The following COL21A1 variants were observed in gnomAD, a reference collection of about 807,000 sequenced individuals.
COL21A1 encodes the protein collagen alpha-1(XXI) chain.
COL21A1 carries 149 observed loss-of-function variants against 137.9 expected under a neutral mutation model. The ratio of observed to expected loss-of-function variants is 1.08; its 90% CI spans 0.95 to 1.24. The LOEUF is 1.24. Ranked by LOEUF, COL21A1 falls within the 50% of genes most tolerant of loss-of-function variation. The pLI is 0.00. For synonymous variants in COL21A1, 456 were observed against 391.5 expected, an observed-to-expected ratio of 1.16 and a Z score of -1.95; for missense variants, 1,167 against 1,158.4, an observed-to-expected ratio of 1.01 and a Z score of -0.11.
chr6:56,273,186 A>G (rs963456182), intron 1 of COL21A1, among the ~76,000 whole-genome samples: 3 of 152,234 alleles, frequency 2.0e-5, no homozygotes, highest in African/African-American at 7.2e-5. Context: ...GAAATTAATT[A>G]AAATAGGGAC....
At chr6:56,175,409 G>A (rs998138072) in intron 3 of COL21A1, among the ~76,000 whole-genome samples, 16 of 151,642 alleles carry the variant, frequency 1.1e-4, no homozygotes, top group African/African-American at 3.9e-4. Context: ...AAGACTCCAT[G>A]CCAAAAAAAA....
At chr6:56,185,413 C>T (rs548980002) in intron 1 of COL21A1, among the ~76,000 whole-genome samples, 4 of 142,530 alleles carry the variant, frequency 2.8e-5, no homozygotes, top group South Asian at 2.2e-4. Flanking sequence ...AGTGGACAGG[C>T]GAAATGAACA....
intron 1 of COL21A1, among the ~76,000 whole-genome samples, chr6:56,332,582 C>A (rs373216956): frequency 2.5e-4 from 37 of 146,632 alleles, no homozygotes; most frequent in African/African-American, 8.9e-4. Flanking sequence ...ACCAAATAGC[C>A]CCCCCGCCCC....
chr6:56,150,287 G>A (rs555395958), intron 10 of COL21A1, among the ~76,000 whole-genome samples: 7 of 152,254 alleles, frequency 4.6e-5, no homozygotes, highest in African/African-American at 1.7e-4. Context: ...GGGAGGTCGA[G>A]GCGGGCGGAT....
chr6:56,269,512 G>A (rs937203066), intron 1 of COL21A1, among the ~76,000 whole-genome samples: 8 of 151,778 alleles, frequency 5.3e-5, no homozygotes, highest in South Asian at 2.1e-4. Context: ...AAAATTAGCC[G>A]GGCGTAGTGG....
intron 1 of COL21A1, among the ~76,000 whole-genome samples, chr6:56,359,519 T>C (rs74403333): frequency 0.018 from 2,811 of 152,328 alleles, 83 homozygotes; most frequent in African/African-American, 0.063. Context: ...TTTCTGTTTA[T>C]GTCCTGTAAT....
chr6:56,075,527 T>C lies in COL21A1; in HGVS notation c.1863A>G (p.Glu621=). 6.6e-7 allele frequency: 1 copy of C among 1,518,678 alleles called. No individual in the cohort carries two copies. The highest frequency in any genetic ancestry group is 2.5e-5 in the East Asian group (1 of 40,394). The allele number at this position is 1,518,678 out of a possible 1,614,324, so 94.1% of individuals were successfully genotyped here. ...TTCCTTGCTGTCCTGGAGGCCCAAT[T>C]TCTCCCTAAAAAAATCAAACATTAA... ...GNRGLMGQKG[E]IGPPGQQGKK... is the part of the protein sequence containing the mutation. The change falls in exon 19 of 30, where the codon GAA becomes GAG. Residue 621 remains glutamate, a synonymous_variant. Transcript: ENST00000244728.
chr6:56,172,219 G>A (rs1366178273), intron 3 of COL21A1, among the ~76,000 whole-genome samples: 1 of 152,096 alleles, frequency 6.6e-6, no homozygotes, highest in Non-Finnish European at 1.5e-5. Context: ...TCCACACTGA[G>A]ACACATTGTA....
chr6:56,057,773 C>T lies in COL21A1; in HGVS notation c.2758G>A (p.Asp920Asn), dbSNP rs1765456397. 1 of 1,609,172 alleles carries T rather than the reference C, an allele frequency of 6.2e-7. No homozygotes were observed. The highest frequency in any genetic ancestry group is 8.5e-7 in the Non-Finnish European group (1 of 1,177,878). Reference sequence around the variant, plus strand: ...CCTTGGATTCCAGGTTTTCCATGGTCTCCATCTTTGCCAGGGAGACCTGGG... The same window carrying T: ...CCTTGGATTCCAGGTTTTCCATGGTTTCCATCTTTGCCAGGGAGACCTGGG... ...GDPGLPGKDG[D>N]HGKPGIQGQP... Residue 920 changes from aspartate to asparagine, a missense_variant, in exon 30 of 30, where the codon GAC becomes AAC. Coordinates refer to ENST00000244728, the MANE Select transcript of COL21A1 (RefSeq NM_030820.4).
intron 1 of COL21A1, among the ~76,000 whole-genome samples, chr6:56,282,941 A>C (rs1763814832): frequency 6.6e-6 from 1 of 152,212 alleles, no homozygotes; most frequent in African/African-American, 2.4e-5. Context: ...TTAAGTTTTA[A>C]TGGCCTTCTC....
At chr6:56,079,041 G>T (rs1198913713) in intron 17 of COL21A1, among the ~76,000 whole-genome samples, 2 of 151,634 alleles carry the variant, frequency 1.3e-5, no homozygotes, top group African/African-American at 4.8e-5. Flanking sequence ...TCAATGCAAT[G>T]AATTAAGATA....
chr6:56,209,125 T>A (rs1462888069), intron 1 of COL21A1, among the ~76,000 whole-genome samples: 3 of 151,528 alleles, frequency 2.0e-5, no homozygotes, highest in Non-Finnish European at 4.4e-5. Flanking sequence ...ATATAAAAAT[T>A]AAGCCAAGAT....
intron 1 of COL21A1, among the ~76,000 whole-genome samples, chr6:56,185,085 A>G (rs1937968912): frequency 6.6e-6 from 1 of 152,086 alleles, no homozygotes; most frequent in African/African-American, 2.4e-5. Flanking sequence ...CAGCACTTAC[A>G]GAGAAATTTT....
At chr6:56,142,524 T>G (rs1774492691) in intron 10 of COL21A1, among the ~76,000 whole-genome samples, 2 of 152,180 alleles carry the variant, frequency 1.3e-5, no homozygotes, top group South Asian at 2.1e-4. Context: ...GCTGTTTGCT[T>G]AGGGGAGGGG....
chr6:56,320,518 A>AACACAC lies in COL21A1; in HGVS notation c.-39+73447_-39+73452dup, dbSNP rs55942460. 4.0e-5 allele frequency among the ~76,000 whole-genome samples: 6 copies of AACACAC among 149,492 alleles called. No individual in the cohort carries two copies. The South Asian group carries it at 6.4e-4, about 16-fold the overall frequency. Reference sequence around the variant, plus strand: ...AACCCCCAAGGTCCTACACAATCTGAACACACACACACACACACACACACA... The same window carrying AACACAC: ...AACCCCCAAGGTCCTACACAATCTGAACACACACACACACACACACACACACACACA... On this transcript the variant is annotated intron_variant, in intron 1 of 28. Coordinates refer to the COL21A1 transcript ENST00000370819.
chr6:56,321,305 C>T (rs534071011), intron 1 of COL21A1, among the ~76,000 whole-genome samples: 2 of 152,200 alleles, frequency 1.3e-5, no homozygotes, highest in Non-Finnish European at 2.9e-5. Flanking sequence ...GCTTGTTGCC[C>T]ATTATAAAAA....
chr6:56,145,028 C>T (rs866027615), intron 10 of COL21A1, among the ~76,000 whole-genome samples: 4 of 152,178 alleles, frequency 2.6e-5, no homozygotes, highest in African/African-American at 9.7e-5. Flanking sequence ...TTTCTTCAGA[C>T]TCAATGACTA....
chr6:56,057,489 T>TA lies in COL21A1; in HGVS notation c.*167dup. 1.5e-6 allele frequency: 1 copy of TA among 654,160 alleles called. No individual in the cohort carries two copies. The highest frequency in any genetic ancestry group is 2.6e-6 in the Non-Finnish European group (1 of 384,304). 40.5% of individuals were successfully genotyped at this position (654,160 alleles called of 1,614,324 possible). On this transcript the variant is annotated 3_prime_UTR_variant, in exon 30 of 30. Transcript: ENST00000244728. ...GGGCTCCAAATGACTGAGGAGCCTT[T>TA]AAAATCAGTATATGTGATCTTTTAT...
intron 16 of COL21A1, among the ~76,000 whole-genome samples, chr6:56,106,322 T>C (rs541089207): frequency 6.6e-6 from 1 of 152,320 alleles, no homozygotes; most frequent in African/African-American, 2.4e-5. Context: ...CAATCTAAGA[T>C]AATTCCTTAC....
Sources: allele counts gnomAD v4.1 joint callset (sites outside exome capture counted in the v4.1 genomes callset), GRCh38; gene constraint gnomAD v4.1.1; transcripts MANE v1.5; gene names NCBI Gene and HGNC (gene_info 2026-07-23, HGNC 2026-07-21).